SLC6A16: variants seen among roughly 807,000 people sequenced by gnomAD.
SLC6A16 encodes the protein orphan sodium- and chloride-dependent neurotransmitter transporter NTT5.
In SLC6A16, 54 loss-of-function variants were observed where a neutral mutation model predicts 65.4. That is an observed-to-expected ratio of 0.83 (90% CI 0.66 to 1.04). The LOEUF is 1.04. SLC6A16 is among the 50% of genes least tolerant of loss of function. The pLI is 0.00. For missense variants in SLC6A16, 816 were observed against 914.0 expected (o/e 0.89, Z 1.38); for synonymous variants, 330 against 346.5 (o/e 0.95, Z 0.53).
chr19:49,294,439 G>T lies in SLC6A16; in HGVS notation c.1344C>A (p.Gly448=). ...PTSIYNAWLS[G]LPQHIKSMVL... ...CCATGCTTTTGATGTGCTGGGGAAG[G>T]CCACTGAGCCAGGCATTGTAGATGG... The change falls in exon 8 of 12, where the codon GGC becomes GGA. Residue 448 remains glycine (G), a synonymous_variant. Coordinates refer to ENST00000335875, the MANE Select transcript of SLC6A16 (RefSeq NM_014037.3). The T allele has an allele frequency of 6.2e-7, 1 of 1,614,158 alleles. No homozygotes were observed. The highest frequency in any genetic ancestry group is 1.1e-5 in the South Asian group (1 of 91,078).
the SLC6A16 span, chr19:49,338,324 G>A: frequency 1.6e-6 from 1 of 644,314 alleles, no homozygotes; most frequent in Non-Finnish European, 2.4e-6. The surrounding 1 kb of genome is among the most constrained non-coding windows in gnomAD (Gnocchi z 5.0). Context: ...AGCGAGACAC[G>A]GCTTCCTACC....
At chr19:49,340,142 T>A in the SLC6A16 span, 47 of 1,515,062 alleles carry the variant, frequency 3.1e-5, no homozygotes, top group East Asian at 4.7e-5. Context: ...TCCAGCCCCT[T>A]CCCGCCCAAT....
At chr19:49,336,984 T>G in the SLC6A16 span, 1 of 1,614,056 alleles carries the variant, frequency 6.2e-7, no homozygotes, top group Non-Finnish European at 8.5e-7. Context: ...GGCATCGCCC[T>G]CCTGGGTTGT....
chr19:49,303,126 T>A (rs1970319198), intron 7 of SLC6A16, among the ~76,000 whole-genome samples: 1 of 152,000 alleles, frequency 6.6e-6, no homozygotes, highest in Non-Finnish European at 1.5e-5. Context: ...AGTTCAGAGG[T>A]CTCTAATAAA....
chr19:49,325,251 C>G, upstream of SLC6A16: 1 of 985,496 alleles, frequency 1.0e-6, no homozygotes, highest in Non-Finnish European at 1.2e-6. Flanking sequence ...CCCCCTCACT[C>G]TTTCCCTACA....
In SLC6A16 at chr19:49,309,402, CAT is replaced by C; in HGVS notation, c.884_885del (p.Tyr295CysfsTer54). ...NGLKSTGKVIYVLVLLPCFII... is the reference protein window; with the variant it reads ...NGLKSTGKVIXVLVLLPCFII... ...ATGAAACAGGGGAGCAGTACCAAGA[CAT>C]AGATTACCTGAATCGAGAGTGGGAC... is the stretch of plus-strand genomic sequence containing the variant. On this transcript the variant is annotated frameshift_variant, in exon 6 of 12. Coordinates refer to ENST00000335875, the MANE Select transcript of SLC6A16 (RefSeq NM_014037.3). LOFTEE classifies it high-confidence loss of function. 1 of 1,612,350 alleles carries C rather than the reference CAT, an allele frequency of 6.2e-7. No homozygotes were observed. The highest frequency in any genetic ancestry group is 8.5e-7 in the Non-Finnish European group (1 of 1,178,500).
chr19:49,310,176 A>G lies in SLC6A16; in HGVS notation c.574-10T>C, dbSNP rs959898125. ...CGAGGATGAAGCACACCTGGGGGCC[A>G]AGGAGGATATGGCTGGGGAGGAAGA... On this transcript the variant is annotated splice_polypyrimidine_tract_variant and intron_variant, in intron 3 of 11. Transcript: ENST00000335875. 3 of 1,614,056 alleles carry G rather than the reference A, an allele frequency of 1.9e-6. No individual in the cohort carries two copies. The South Asian group carries it at 3.3e-5, about 18-fold the overall frequency.
chr19:49,301,305 T>C (rs1166568287), intron 7 of SLC6A16, among the ~76,000 whole-genome samples: 1 of 152,152 alleles, frequency 6.6e-6, no homozygotes, highest in Non-Finnish European at 1.5e-5. Context: ...CCTAGTGTTT[T>C]GGGACACTGC....
chr19:49,337,491 G>A, the SLC6A16 span: 7 of 626,614 alleles, frequency 1.1e-5, no homozygotes, highest in Admixed American at 2.2e-4. Context: ...GTGTGATGGT[G>A]TGCACCTGGG....
Position 49,292,294 on chromosome 19 carries a change from G to A in SLC6A16, c.1778+929C>T, listed in dbSNP as rs1458536917. On this transcript the variant is annotated intron_variant, in intron 10 of 11. Transcript: ENST00000335875. This position sits in a 1 kb window ranked among gnomAD's most constrained non-coding sequence, Gnocchi z 4.3. ...AGGGAGGAGAATTGCTTGAACCCGG[G>A]AGGCGGAGGTTGCAGTGAGCTGAGA... is the stretch of plus-strand genomic sequence containing the variant. Among the ~76,000 whole-genome samples the A allele has an allele frequency of 6.6e-6, 1 of 152,116 alleles. No homozygotes were observed. Among genetic ancestry groups the A allele is most frequent in the Admixed American group, 6.5e-5 (1 of 15,274 alleles).
intron 1 of SLC6A16, among the ~76,000 whole-genome samples, chr19:49,314,357 A>C (rs1168996173): frequency 1.3e-5 from 2 of 152,294 alleles, no homozygotes; most frequent in East Asian, 3.9e-4. Flanking sequence ...AAACTAATAA[A>C]TGTACAAGGA....
the SLC6A16 span, chr19:49,337,617 AATT>A: frequency 1.4e-6 from 2 of 1,467,418 alleles, no homozygotes; most frequent in Non-Finnish European, 1.8e-6. Context: ...TCAAAAAATA[AATT>A]AATAGAAAGA....
intron 7 of SLC6A16, among the ~76,000 whole-genome samples, chr19:49,302,023 C>T (rs1255249553): frequency 2.0e-5 from 3 of 152,258 alleles, no homozygotes; most frequent in African/African-American, 2.4e-5. Context: ...CAACTGCCCA[C>T]GTACATGCAG....
rs773264105 is a variant in SLC6A16, at chr19:49,294,041, C to A, written c.1417-13G>T. ...GGCCCTCGCTAGCCTGCAAAGAGAA[C>A]AAAGAGGTGTTAAAGTGTCATTGAA... On this transcript the variant is annotated splice_polypyrimidine_tract_variant and intron_variant, in intron 8 of 11. Coordinates refer to ENST00000335875, the MANE Select transcript of SLC6A16 (RefSeq NM_014037.3). 2.5e-6 allele frequency: 4 copies of A among 1,605,298 alleles called. No homozygotes were observed. In the East Asian group the frequency reaches 6.7e-5, roughly 27 times the overall value.
chr19:49,303,229 T>C (rs1419953704), intron 7 of SLC6A16, among the ~76,000 whole-genome samples: 1 of 152,150 alleles, frequency 6.6e-6, no homozygotes, highest in Non-Finnish European at 1.5e-5. Context: ...GAGAAAAGCA[T>C]ATCACATATA....
chr19:49,334,369 C>G, the SLC6A16 span, among the ~76,000 whole-genome samples: 1 of 151,914 alleles, frequency 6.6e-6, no homozygotes, highest in African/African-American at 2.4e-5. Context: ...ACCTGTAGTC[C>G]CAGCTACTTG....
the SLC6A16 span, chr19:49,337,051 C>T: frequency 6.2e-7 from 1 of 1,613,296 alleles, no homozygotes; most frequent in Non-Finnish European, 8.5e-7. Flanking sequence ...CACCATCCCT[C>T]TCCGTCCCTA....
chr19:49,336,914 G>A, the SLC6A16 span: 1 of 1,614,054 alleles, frequency 6.2e-7, no homozygotes, highest in South Asian at 1.1e-5. Flanking sequence ...CCCAGGCTTG[G>A]CCTTCGTGCC....
chr19:49,300,996 A>G (rs1810586945), intron 7 of SLC6A16, among the ~76,000 whole-genome samples: 2 of 152,266 alleles, frequency 1.3e-5, no homozygotes, highest in South Asian at 4.1e-4. Flanking sequence ...AAGTTGCGTG[A>G]GCCGAGATCA....
Sources: gnomAD v4.1 joint callset for allele counts (sites outside exome capture counted in the v4.1 genomes callset) on GRCh38, gnomAD v4.1.1 for gene constraint, Gnocchi (gnomAD v3.1) non-coding constraint, MANE v1.5 for transcripts, NCBI Gene and HGNC (gene_info 2026-07-23, HGNC 2026-07-21) for gene names.